Variants in ERC2 observed in about 807,000 individuals in gnomAD.
ERC2 encodes ERC protein 2.
ERC2 carries 42 observed loss-of-function variants against 114.8 expected under a neutral mutation model. The ratio of observed to expected loss-of-function variants is 0.37; its 90% CI spans 0.29 to 0.47. ERC2 has a LOEUF of 0.47. Among genes scored for constraint, ERC2 ranks in the 20% least tolerant of loss-of-function variants. The pLI, the probability that ERC2 is intolerant of heterozygous loss-of-function variation, is 0.99. For missense variants in ERC2, 939 were observed against 1,150.7 expected, an observed-to-expected ratio of 0.82 and a Z score of 2.66; for synonymous variants, 454 against 425.5, an observed-to-expected ratio of 1.07 and a Z score of -0.82.
At chr3:55,587,336 G>A (rs2057654884) in intron 17 of ERC2, among the ~76,000 whole-genome samples, 1 of 152,060 alleles carries the variant, frequency 6.6e-6, no homozygotes, top group African/African-American at 2.4e-5. Flanking sequence ...TATTTTTAGT[G>A]TCACTGCACC....
At chr3:55,691,641 G>A (rs1180721590) in intron 16 of ERC2, among the ~76,000 whole-genome samples, 1 of 139,816 alleles carries the variant, frequency 7.2e-6, no homozygotes, top group Non-Finnish European at 1.5e-5. Flanking sequence ...ATACTAGCTT[G>A]GTTGGAAACT....
intron 3 of ERC2, among the ~76,000 whole-genome samples, chr3:56,216,023 T>A (rs951808327): frequency 1.7e-4 from 26 of 152,026 alleles, no homozygotes; most frequent in Non-Finnish European, 7.4e-5. Context: ...TAGCACTAAA[T>A]GCCCACAAGA....
At chr3:56,184,801 T>C (rs2083490136) in intron 3 of ERC2, among the ~76,000 whole-genome samples, 2 of 152,238 alleles carry the variant, frequency 1.3e-5, no homozygotes, top group Admixed American at 1.3e-4. Context: ...CCCACTCATT[T>C]TGAATGACAT....
chr3:56,195,650 G>A (rs1052288988), intron 3 of ERC2, among the ~76,000 whole-genome samples: 2 of 151,734 alleles, frequency 1.3e-5, no homozygotes, highest in Non-Finnish European at 2.9e-5. Flanking sequence ...GGCAACATAG[G>A]AAACCTTGTC....
At position 56,223,181 on chromosome 3, in the gene ERC2, T is replaced by C. The variant is rs572990316; in HGVS notation, c.1075-49661A>G. On this transcript the variant is annotated intron_variant, in intron 3 of 17. Transcript: ENST00000288221. ...ACTGTCCTCATCTCTTCATGTTCCA[T>C]TTTTCAAAGGAATCTTTGTTTCTAA... Among the ~76,000 whole-genome samples, 3 of 152,204 alleles carry C rather than the reference T, an allele frequency of 2.0e-5. No individual in the cohort carries two copies. In the South Asian group the frequency reaches 6.2e-4, roughly 32 times the overall value.
At chr3:55,732,714 G>C (rs1344323009) in intron 15 of ERC2, among the ~76,000 whole-genome samples, 2 of 152,232 alleles carry the variant, frequency 1.3e-5, no homozygotes, top group Admixed American at 1.3e-4. Flanking sequence ...TGCCTGGTAA[G>C]AAGGCTTCTG....
intron 6 of ERC2, among the ~76,000 whole-genome samples, chr3:56,097,762 T>C (rs2078141753): frequency 6.6e-6 from 1 of 152,204 alleles, no homozygotes. Flanking sequence ...GTTCATATTA[T>C]GCAATACTGG....
intron 1 of ERC2, among the ~76,000 whole-genome samples, chr3:56,441,167 A>G (rs1004798802): frequency 6.6e-6 from 1 of 152,228 alleles, no homozygotes; most frequent in African/African-American, 2.4e-5. Flanking sequence ...ATTAGGAGCC[A>G]CACAGAACGG....
intron 14 of ERC2, among the ~76,000 whole-genome samples, chr3:55,850,694 G>C (rs1257627536): frequency 6.6e-6 from 1 of 152,072 alleles, no homozygotes; most frequent in Admixed American, 6.5e-5. Context: ...GGCCATTGCA[G>C]CTTCTACCCA....
At position 55,646,760 on chromosome 3, in the gene ERC2, C is replaced by T. The variant is rs1424602090; in HGVS notation, c.*39+37034G>A. On this transcript the variant is annotated intron_variant, in intron 17 of 17. Coordinates refer to ENST00000288221, the MANE Select transcript of ERC2 (RefSeq NM_015576.3). ...CAACCCTGGTGTCTAGAACAGTGCC[C>T]GGAATAGACTAGATACTCAACAAAT... is the stretch of plus-strand genomic sequence containing the variant. Among the ~76,000 whole-genome samples, 3 of 152,018 alleles carry T rather than the reference C, an allele frequency of 2.0e-5. No homozygotes were observed. In the East Asian group the frequency reaches 5.8e-4, roughly 29 times the overall value.
chr3:55,953,121 C>T lies in ERC2; in HGVS notation c.2268-2561G>A, dbSNP rs369763039. Among the ~76,000 whole-genome samples the T allele has an allele frequency of 4.0e-3, 599 of 151,380 alleles. 3 individuals are homozygous for T. The highest frequency in any genetic ancestry group is 0.014 in the African/African-American group (574 of 41,272). The stretch of plus-strand genomic sequence containing the variant: ...TCGGGAGGCTGAGGCAGGAGAACGG[C>T]GTGAACCCGGGAGGCACAGGTTGCA... On this transcript the variant is annotated intron_variant, in intron 12 of 17. Transcript: ENST00000288221.
intron 5 of ERC2, among the ~76,000 whole-genome samples, chr3:56,145,815 G>T (rs920112885): frequency 6.6e-6 from 1 of 152,094 alleles, no homozygotes; most frequent in Non-Finnish European, 1.5e-5. Context: ...TTTAATCAAA[G>T]AACTTTCAAG....
chr3:56,355,026 G>A (rs2058690544), intron 2 of ERC2, among the ~76,000 whole-genome samples: 1 of 152,208 alleles, frequency 6.6e-6, no homozygotes, highest in Admixed American at 6.5e-5. Flanking sequence ...AGGACTGGAA[G>A]GTGCCTATTT....
intron 7 of ERC2, among the ~76,000 whole-genome samples, chr3:56,040,648 G>GTATATGTAA (rs1202509332): frequency 4.3e-4 from 15 of 34,600 alleles, no homozygotes; most frequent in Non-Finnish European, 8.9e-4. Context: ...ATATATAGAT[G>GTATATGTAA]TATATGTATA....
At position 56,173,442 on chromosome 3, in the gene ERC2, C is replaced by G; in HGVS notation, c.1149+4G>C. The stretch of plus-strand genomic sequence containing the variant: ...TGTTTCTGACAAAAGTGCACAGTTC[C>G]TACCTTCATTTCGATGACAGTCTGG... On this transcript the variant is annotated splice_donor_region_variant and intron_variant, in intron 4 of 17. Transcript: ENST00000288221. The G allele has an allele frequency of 5.6e-6, 9 of 1,613,776 alleles. No homozygotes were observed. The highest frequency in any genetic ancestry group is 7.6e-6 in the Non-Finnish European group (9 of 1,179,708).
intron 15 of ERC2, among the ~76,000 whole-genome samples, chr3:55,725,836 T>C (rs2064876918): frequency 6.6e-6 from 1 of 152,128 alleles, no homozygotes; most frequent in Non-Finnish European, 1.5e-5. Flanking sequence ...ATTCACTGAG[T>C]GCTATTTTTT....
intron 14 of ERC2, among the ~76,000 whole-genome samples, chr3:55,831,440 AG>A (rs1575755142): frequency 1.4e-5 from 1 of 73,758 alleles, no homozygotes; most frequent in Admixed American, 1.8e-4. Context: ...AAGGGAGGGA[AG>A]GGGAGGGGAG....
chr3:56,156,236 G>T (rs1035617489), intron 4 of ERC2, among the ~76,000 whole-genome samples: 12 of 152,140 alleles, frequency 7.9e-5, no homozygotes, highest in African/African-American at 2.9e-4. Flanking sequence ...GAAAATGAGT[G>T]AATAGTTTTA....
intron 2 of ERC2, among the ~76,000 whole-genome samples, chr3:56,433,548 G>C (rs2061888037): frequency 1.3e-5 from 2 of 152,240 alleles, no homozygotes; most frequent in African/African-American, 4.8e-5. Context: ...ACAAGATAAG[G>C]CTGGAAATGT....
Sources: allele counts gnomAD v4.1 joint callset (sites outside exome capture counted in the v4.1 genomes callset), GRCh38; gene constraint gnomAD v4.1.1; transcripts MANE v1.5; gene names NCBI Gene and HGNC (gene_info 2026-07-23, HGNC 2026-07-21).